LUZP2: variants seen among roughly 807,000 people sequenced by gnomAD.
LUZP2 encodes the protein leucine zipper protein 2.
A neutral mutation model predicts 51.6 loss-of-function variants in LUZP2; 52 were observed. The observed-to-expected ratio is 1.01, with a 90% CI of 0.81 to 1.27. LUZP2 has a LOEUF of 1.27. Among genes scored for constraint, LUZP2 ranks in the 50% most tolerant of loss-of-function variants. The probability of loss-of-function intolerance (pLI) is 0.00; values close to 1 mark genes in which losing one functional copy is unlikely to be tolerated. For missense variants in LUZP2, 436 were observed against 395.4 expected (o/e 1.10, Z -0.87); for synonymous variants, 154 against 137.3 (o/e 1.12, Z -0.85).
intron 5 of LUZP2, among the ~76,000 whole-genome samples, chr11:24,895,210 A>G (rs1355513431): frequency 1.3e-5 from 2 of 152,198 alleles, no homozygotes; most frequent in Admixed American, 1.3e-4. Flanking sequence ...GTTGAGTTAC[A>G]GTGAACCTTA....
intron 7 of LUZP2, among the ~76,000 whole-genome samples, chr11:24,916,819 G>A (rs1432256500): frequency 1.3e-5 from 2 of 152,150 alleles, no homozygotes; most frequent in African/African-American, 4.8e-5. Flanking sequence ...CTTTATAGCA[G>A]CATGATTTAT....
chr11:24,568,397 G>A (rs1852318877), intron 1 of LUZP2, among the ~76,000 whole-genome samples: 1 of 148,970 alleles, frequency 6.7e-6, no homozygotes, highest in South Asian at 2.1e-4. Flanking sequence ...ATATTAACAT[G>A]AGACAAAATA....
intron 5 of LUZP2, among the ~76,000 whole-genome samples, chr11:24,905,593 G>A (rs1853423948): frequency 6.6e-6 from 1 of 152,104 alleles, no homozygotes; most frequent in African/African-American, 2.4e-5. Flanking sequence ...TGGACCTCAT[G>A]GACATTGACA....
rs146304694 is a variant in LUZP2, at chr11:24,856,922, A to G, written c.397-49069A>G. On this transcript the variant is annotated intron_variant, in intron 5 of 11. Coordinates refer to ENST00000336930, the MANE Select transcript of LUZP2 (RefSeq NM_001009909.4). ...ACATGGACACAGAGTATAGATCATC[A>G]GTAGAGACTCAGAAGGGTGGGAGGG... Among the ~76,000 whole-genome samples, 9 of 152,182 alleles carry G rather than the reference A, an allele frequency of 5.9e-5. No homozygotes were observed. In the East Asian group the frequency reaches 1.7e-3, roughly 29 times the overall value.
intron 1 of LUZP2, among the ~76,000 whole-genome samples, chr11:24,623,627 C>T (rs1854579275): frequency 1.3e-5 from 2 of 152,050 alleles, no homozygotes; most frequent in Admixed American, 1.3e-4. Flanking sequence ...AGGCAGATTA[C>T]CTAAAGTCGG....
intron 5 of LUZP2, among the ~76,000 whole-genome samples, chr11:24,886,717 A>G (rs1281159727): frequency 2.0e-5 from 3 of 152,194 alleles, no homozygotes; most frequent in African/African-American, 7.2e-5. Flanking sequence ...TTAAAAAGTG[A>G]AAAATTGTGC....
At chr11:24,728,682 C>G (rs1256682098) in intron 1 of LUZP2, among the ~76,000 whole-genome samples, 1 of 151,998 alleles carries the variant, frequency 6.6e-6, no homozygotes. Context: ...ATTTCAGCAG[C>G]AAATCTCCTG....
chr11:24,819,492 C>T (rs181506125), intron 5 of LUZP2, among the ~76,000 whole-genome samples: 20 of 152,166 alleles, frequency 1.3e-4, no homozygotes, highest in South Asian at 2.1e-4. Flanking sequence ...TTTCTGTTGA[C>T]GTATATGCCC....
intron 1 of LUZP2, among the ~76,000 whole-genome samples, chr11:24,662,098 A>G (rs995591038): frequency 6.6e-6 from 1 of 152,146 alleles, no homozygotes; most frequent in African/African-American, 2.4e-5. Flanking sequence ...ACCATCACCA[A>G]CAATTTCTGG....
intron 1 of LUZP2, among the ~76,000 whole-genome samples, chr11:24,646,370 C>T (rs781755812): frequency 2.0e-5 from 3 of 152,036 alleles, no homozygotes; most frequent in Non-Finnish European, 4.4e-5. Context: ...CAGACAACAA[C>T]GTTTAACACG....
At chr11:24,914,636 A>C in intron 7 of LUZP2, 98 bp downstream of exon 7, 5 of 860,446 alleles carry the variant, frequency 5.8e-6, no homozygotes, top group Non-Finnish European at 9.0e-6. Context: ...GGAATTTCTC[A>C]TGAATTGGAG....
intron 9 of LUZP2, among the ~76,000 whole-genome samples, chr11:24,985,248 A>G (rs889002883): frequency 2.0e-5 from 3 of 151,596 alleles, no homozygotes; most frequent in African/African-American, 7.3e-5. Flanking sequence ...TGCAAGAGAC[A>G]ACAAGAAAAC....
chr11:24,688,216 T>G (rs903721050), intron 1 of LUZP2, among the ~76,000 whole-genome samples: 1 of 152,214 alleles, frequency 6.6e-6, no homozygotes, highest in Admixed American at 6.5e-5. Flanking sequence ...TACACTGTCT[T>G]AATGCTTTAT....
At chr11:25,033,575 A>G (rs532980869) in intron 9 of LUZP2, among the ~76,000 whole-genome samples, 1 of 152,112 alleles carries the variant, frequency 6.6e-6, no homozygotes, top group African/African-American at 2.4e-5. Flanking sequence ...ACCTTCTCAC[A>G]TTCCTTCCAA....
At chr11:24,677,095 A>G (rs1281344522) in intron 1 of LUZP2, among the ~76,000 whole-genome samples, 1 of 148,182 alleles carries the variant, frequency 6.7e-6, no homozygotes, top group Non-Finnish European at 1.5e-5. Flanking sequence ...CTGCCTCCTA[A>G]TGTATATATC....
chr11:24,699,143 C>T (rs1857343731), intron 1 of LUZP2, among the ~76,000 whole-genome samples: 2 of 150,318 alleles, frequency 1.3e-5, no homozygotes, highest in African/African-American at 2.4e-5. Context: ...CAATAACTCT[C>T]TCTATTCATT....
intron 10 of LUZP2, among the ~76,000 whole-genome samples, chr11:25,070,096 A>G (rs2134053544): frequency 6.6e-6 from 1 of 152,122 alleles, no homozygotes; most frequent in South Asian, 2.1e-4. Context: ...TAAAGAGATT[A>G]GAAAATAAAA....
At position 24,821,064 on chromosome 11, in the gene LUZP2, T is replaced by C. The variant is rs146926168; in HGVS notation, c.396+57756T>C. On this transcript the variant is annotated intron_variant, in intron 5 of 11. Transcript: ENST00000336930. ...TTTTCAAGAGTGTTATTAGGAAAAA[T>C]GATTTATCGAAATCACTGTCTCATA... 4.2e-3 allele frequency among the ~76,000 whole-genome samples: 647 copies of C among 152,250 alleles called. 6 individuals are homozygous for C. The highest frequency in any genetic ancestry group is 0.013 in the African/African-American group (535 of 41,576).
intron 1 of LUZP2, among the ~76,000 whole-genome samples, chr11:24,608,057 T>C (rs530111600): frequency 6.6e-6 from 1 of 152,102 alleles, no homozygotes; most frequent in East Asian, 1.9e-4. Flanking sequence ...CACCGTGTTA[T>C]GCAGGAAGGT....
Sources: gnomAD v4.1 joint callset for allele counts (sites outside exome capture counted in the v4.1 genomes callset) on GRCh38, gnomAD v4.1.1 for gene constraint, MANE v1.5 for transcripts, NCBI Gene and HGNC (gene_info 2026-07-23, HGNC 2026-07-21) for gene names.